The following NEIL2 variants were observed in gnomAD, a reference collection of about 807,000 sequenced individuals.
NEIL2 encodes nei like DNA glycosylase 2, also known as endonuclease 8-like 2.
NEIL2 carries 23 observed loss-of-function variants against 22.2 expected under a neutral mutation model. The ratio of observed to expected loss-of-function variants is 1.04; its 90% CI spans 0.75 to 1.47. NEIL2 has a LOEUF of 1.47. Ranked by LOEUF, NEIL2 falls within the 40% of genes most tolerant of loss-of-function variation. The pLI, the probability that NEIL2 is intolerant of heterozygous loss-of-function variation, is 0.00. For missense variants in NEIL2, 583 were observed against 404.7 expected, an observed-to-expected ratio of 1.44 and a Z score of -3.78; for synonymous variants, 229 against 164.8, an observed-to-expected ratio of 1.39 and a Z score of -2.99.
At chr8:11,775,429 C>G (rs940372656) in intron 2 of NEIL2, among the ~76,000 whole-genome samples, 1 of 152,130 alleles carries the variant, frequency 6.6e-6, no homozygotes, top group African/African-American at 2.4e-5. Flanking sequence ...TGGATCTGGC[C>G]CAGGAAACCA....
intron 3 of NEIL2, 70 bp from the exon 4 acceptor site, chr8:11,783,133 C>T: frequency 1.4e-6 from 2 of 1,380,170 alleles, no homozygotes; most frequent in Non-Finnish European, 2.1e-6. Context: ...TGTGTATGAC[C>T]CAGCCACAGG....
At chr8:11,785,887 C>T (rs543902881) in intron 4 of NEIL2, 76 bp from the exon 5 acceptor site, 19 of 1,364,560 alleles carry the variant, frequency 1.4e-5, no homozygotes, top group Non-Finnish European at 1.3e-5. Context: ...TGATTTCTGC[C>T]TTGTTAACTT....
At chr8:11,773,027 C>T (rs768187303) in intron 2 of NEIL2, among the ~76,000 whole-genome samples, 1 of 152,094 alleles carries the variant, frequency 6.6e-6, no homozygotes, top group Non-Finnish European at 1.5e-5. Context: ...GACTGAGGCT[C>T]GGAGAAGGGA....
chr8:11,781,504 A>C (rs1804419296), intron 3 of NEIL2, among the ~76,000 whole-genome samples: 1 of 152,240 alleles, frequency 6.6e-6, no homozygotes, highest in South Asian at 2.1e-4. Context: ...ACCTGTCATC[A>C]TCAGGAGCCT....
Position 11,783,250 on chromosome 8 carries a change from G to T in NEIL2, c.539G>T (p.Cys180Phe), listed in dbSNP as rs768466602. 36 of 1,614,212 alleles carry T rather than the reference G, an allele frequency of 2.2e-5. No individual in the cohort carries two copies. Among genetic ancestry groups the T allele is most frequent in the South Asian group, 4.4e-5 (4 of 91,082 alleles). ...GGGGFLAFYN[C>F]QLSWSSSPVV... Reference sequence around the variant, plus strand: ...GGTGGCTTCCTGGCATTTTATAATTGTCAGTTGTCTTGGAGCTCTTCCCCA... The same window carrying T: ...GGTGGCTTCCTGGCATTTTATAATTTTCAGTTGTCTTGGAGCTCTTCCCCA... Residue 180 changes from cysteine to phenylalanine, a missense_variant, in exon 4 of 5, where the codon TGT (cysteine) becomes TTT (phenylalanine). By Grantham distance (205) the Cys-to-Phe change is radical. Coordinates refer to ENST00000284503, the MANE Select transcript of NEIL2 (RefSeq NM_145043.4).
intron 2 of NEIL2, among the ~76,000 whole-genome samples, chr8:11,779,361 T>A (rs804255): frequency 0.98 from 149,479 of 152,362 alleles, 73,387 homozygotes; most frequent in East Asian, 1. Context: ...CTTGCCATCT[T>A]GCATGGGTGT....
intron 2 of NEIL2, among the ~76,000 whole-genome samples, chr8:11,776,663 A>G (rs1487795039): frequency 6.6e-6 from 1 of 152,170 alleles, no homozygotes; most frequent in Non-Finnish European, 1.5e-5. Flanking sequence ...CCAGCAGTGT[A>G]TGAGGACCAA....
rs144490474 is a variant in NEIL2, at chr8:11,774,987, G to A, written c.138+3402G>A. Among the ~76,000 whole-genome samples the A allele has an allele frequency of 5.1e-3, 780 of 152,348 alleles. 4 individuals are homozygous for A. Among genetic ancestry groups the A allele is most frequent in the Non-Finnish European group, 7.4e-3 (502 of 68,032 alleles). On this transcript the variant is annotated intron_variant, in intron 2 of 4. Coordinates refer to ENST00000284503, the MANE Select transcript of NEIL2 (RefSeq NM_145043.4). Reference sequence around the variant, plus strand: ...TCACAGGCTGGCATTGAGTGTCTGTGTGTTTTCCAGGGCAGGGTGCAAGCT... The same window carrying A: ...TCACAGGCTGGCATTGAGTGTCTGTATGTTTTCCAGGGCAGGGTGCAAGCT...
At chr8:11,777,662 AC>A (rs1166803315) in intron 2 of NEIL2, among the ~76,000 whole-genome samples, 83 of 152,256 alleles carry the variant, frequency 5.5e-4, no homozygotes, top group African/African-American at 1.9e-3. Context: ...GGCTTATTTC[AC>A]TTAGTATAAA....
chr8:11,784,631 A>T (rs1242707174), intron 4 of NEIL2, among the ~76,000 whole-genome samples: 2 of 152,110 alleles, frequency 1.3e-5, no homozygotes, highest in African/African-American at 4.8e-5. Context: ...ACCTCTCCTT[A>T]AGGAGATCAT....
At chr8:11,784,452 G>A (rs903288521) in intron 4 of NEIL2, among the ~76,000 whole-genome samples, 7 of 152,228 alleles carry the variant, frequency 4.6e-5, no homozygotes, top group Non-Finnish European at 1.0e-4. Context: ...CACATCGCTA[G>A]TAAATGGTGC....
chr8:11,774,020 G>A (rs1803693821), intron 2 of NEIL2, among the ~76,000 whole-genome samples: 1 of 152,170 alleles, frequency 6.6e-6, no homozygotes, highest in Non-Finnish European at 1.5e-5. Flanking sequence ...AGGCGAAGGG[G>A]AAACAAAGGC....
chr8:11,774,149 G>A (rs1803709536), intron 2 of NEIL2, among the ~76,000 whole-genome samples: 1 of 152,176 alleles, frequency 6.6e-6, no homozygotes, highest in Admixed American at 6.5e-5. Flanking sequence ...GCAGAGGTGG[G>A]CAGGTCGCCT....
intron 3 of NEIL2, 110 bp downstream of exon 3, chr8:11,780,060 C>T: frequency 1.1e-6 from 1 of 906,524 alleles, no homozygotes; most frequent in South Asian, 1.5e-5. Context: ...CAGTCTGCCC[C>T]CCAGGGCCCT....
At chr8:11,782,754 T>C (rs1804535593) in intron 3 of NEIL2, 1 of 263,772 alleles carries the variant, frequency 3.8e-6, no homozygotes, top group African/African-American at 2.2e-5. Flanking sequence ...AGCCACAGAG[T>C]GTGCTCTGAC....
At chr8:11,783,618 C>T (rs1804640760) in intron 4 of NEIL2, among the ~76,000 whole-genome samples, 1 of 152,246 alleles carries the variant, frequency 6.6e-6, no homozygotes, top group African/African-American at 2.4e-5. Flanking sequence ...AATCCACACC[C>T]TAACTGTGTT....
chr8:11,773,381 G>A (rs372297354), intron 2 of NEIL2, among the ~76,000 whole-genome samples: 1 of 152,136 alleles, frequency 6.6e-6, no homozygotes, highest in African/African-American at 2.4e-5. Context: ...TGAAGTGAGC[G>A]CCCTTCCCTG....
chr8:11,775,999 G>T (rs549144898), intron 2 of NEIL2, among the ~76,000 whole-genome samples: 3 of 152,124 alleles, frequency 2.0e-5, no homozygotes, highest in African/African-American at 7.2e-5. Flanking sequence ...AGTTGCTTCC[G>T]CATTTTTAGA....
At chr8:11,777,300 A>G (rs804258) in intron 2 of NEIL2, among the ~76,000 whole-genome samples, 60,978 of 151,684 alleles carry the variant, frequency 0.4, 12,931 homozygotes, top group East Asian at 0.51. Flanking sequence ...GCCTAGCCAC[A>G]CTTTTCTCTG....
Sources: gnomAD v4.1 joint callset for allele counts (sites outside exome capture counted in the v4.1 genomes callset) on GRCh38, gnomAD v4.1.1 for gene constraint, MANE v1.5 for transcripts, NCBI Gene and HGNC (gene_info 2026-07-23, HGNC 2026-07-21) for gene names.